Variants in RBM33 observed in about 807,000 individuals in gnomAD.
RBM33 encodes the protein RNA-binding protein 33.
A neutral mutation model predicts 132.6 loss-of-function variants in RBM33; 28 were observed. That is an observed-to-expected ratio of 0.21 (90% CI 0.16 to 0.29). The LOEUF is 0.29. RBM33 is among the 10% of genes least tolerant of loss of function. The pLI is 1.00. For missense variants in RBM33, 1,291 were observed against 1,518.5 expected (o/e 0.85, Z 2.49); for synonymous variants, 634 against 593.0 (o/e 1.07, Z -1.01).
intron 6 of RBM33, among the ~76,000 whole-genome samples, chr7:155,701,643 T>G (rs1354578053): frequency 6.6e-6 from 1 of 152,238 alleles, no homozygotes; most frequent in Non-Finnish European, 1.5e-5. Flanking sequence ...TGCTCCCAGC[T>G]TCTCTGATTG....
intron 15 of RBM33, among the ~76,000 whole-genome samples, chr7:155,765,938 A>G (rs1003553287): frequency 4.6e-5 from 7 of 152,198 alleles, no homozygotes; most frequent in Non-Finnish European, 8.8e-5. Flanking sequence ...TGGTTGCAGA[A>G]TCTGCCTGGG....
At chr7:155,698,449 T>A (rs1316421113) in intron 5 of RBM33, among the ~76,000 whole-genome samples, 1 of 152,142 alleles carries the variant, frequency 6.6e-6, no homozygotes, top group Admixed American at 6.5e-5. Context: ...GGGGGATGGA[T>A]TTTTTAAGCC....
chr7:155,744,126 T>G (rs1388157172), intron 13 of RBM33, among the ~76,000 whole-genome samples: 2 of 152,192 alleles, frequency 1.3e-5, no homozygotes, highest in African/African-American at 2.4e-5. Context: ...ATTCTTAAGG[T>G]TTATTTAGGG....
rs1017737028 is a variant in RBM33 at position 155,726,027 on chromosome 7, C to G, written c.1260+7584C>G. Among the ~76,000 whole-genome samples the G allele has an allele frequency of 2.6e-5, 4 of 152,158 alleles. No homozygotes were observed. In the South Asian group the frequency reaches 8.3e-4, roughly 32 times the overall value. ...TAGAGGGCTGTAATTTTAATTACGT[C>G]AGGGGTCACTAGTGACCTTTATTCT... On this transcript the variant is annotated intron_variant, in intron 9 of 17. Coordinates refer to ENST00000401878, the MANE Select transcript of RBM33 (RefSeq NM_053043.3).
chr7:155,705,331 A>G (rs756256259), intron 6 of RBM33, among the ~76,000 whole-genome samples: 1 of 152,236 alleles, frequency 6.6e-6, no homozygotes, highest in Non-Finnish European at 1.5e-5. Context: ...TAATCTTGAC[A>G]CTCAGAACCA....
intron 8 of RBM33, among the ~76,000 whole-genome samples, chr7:155,711,809 G>C (rs1299821531): frequency 2.0e-5 from 3 of 152,180 alleles, no homozygotes; most frequent in Admixed American, 6.5e-5. Context: ...ACTAACGATA[G>C]CCTTATTGGG....
At position 155,745,289 on chromosome 7, in the gene RBM33, A is replaced by G. The variant is rs1300056780; in HGVS notation, c.2666A>G (p.Lys889Arg). 3.7e-6 allele frequency: 6 copies of G among 1,613,008 alleles called. No individual in the cohort carries two copies. The highest frequency in any genetic ancestry group is 5.1e-6 in the Non-Finnish European group (6 of 1,179,424). Residue 889 changes from lysine (K) to arginine (R), a missense_variant, in exon 14 of 18, where the codon AAA becomes AGA. Coordinates refer to ENST00000401878, the MANE Select transcript of RBM33 (RefSeq NM_053043.3). The surrounding 1 kb of genome is among the most constrained non-coding windows in gnomAD (Gnocchi z 4.1). ...GTCAGTATTTCAAACGTTCAGCCCA[A>G]AACATCCAATTTTGTACCATCCAGT... is the stretch of plus-strand genomic sequence containing the variant. ...QDVSISNVQP[K>R]TSNFVPSSAN...
intron 2 of RBM33, among the ~76,000 whole-genome samples, 194 bp downstream of exon 2, chr7:155,665,447 G>A (rs1011737973): frequency 1.3e-5 from 2 of 152,340 alleles, no homozygotes; most frequent in Non-Finnish European, 2.9e-5. Flanking sequence ...CCAGGCCTGT[G>A]TTGTGTGGAG....
intron 5 of RBM33, among the ~76,000 whole-genome samples, chr7:155,691,742 C>A (rs1799648866): frequency 1.3e-5 from 2 of 152,066 alleles, no homozygotes; most frequent in African/African-American, 2.4e-5. Flanking sequence ...TACATTAAAA[C>A]AAAAGAGAGC....
At chr7:155,751,641 C>G (rs776019437) in intron 14 of RBM33, among the ~76,000 whole-genome samples, 2 of 152,150 alleles carry the variant, frequency 1.3e-5, no homozygotes, top group Admixed American at 6.5e-5. Context: ...CAGGAACACC[C>G]CAGAGGGGAT....
intron 9 of RBM33, among the ~76,000 whole-genome samples, chr7:155,728,470 T>A (rs1800857166): frequency 1.3e-5 from 2 of 152,198 alleles, no homozygotes; most frequent in African/African-American, 4.8e-5. Flanking sequence ...TCTATTTAAC[T>A]AAATTCCAAG....
At chr7:155,763,343 G>T (rs1033744847) in intron 14 of RBM33, among the ~76,000 whole-genome samples, 1 of 152,256 alleles carries the variant, frequency 6.6e-6, no homozygotes, top group Admixed American at 6.5e-5. Context: ...AAGACTTACA[G>T]TCGCAACCAG....
In RBM33 at chr7:155,680,752, G is replaced by T. The variant is rs1799315858; in HGVS notation, c.411G>T (p.Leu137Phe). 1 of 1,613,470 alleles carries T rather than the reference G, an allele frequency of 6.2e-7. No individual in the cohort carries two copies. The highest frequency in any genetic ancestry group is 1.3e-5 in the African/African-American group (1 of 74,912). Reference sequence around the variant, plus strand: ...ATCACAAATCTGATGGATCAGAATTGTATACTCAAGAGTACCCAGAAGAAG... The same window carrying T: ...ATCACAAATCTGATGGATCAGAATTTTATACTCAAGAGTACCCAGAAGAAG... The part of the protein sequence containing the change: ...LVYHKSDGSE[L>F]YTQEYPEEGQ... The change falls in exon 5 of 18, where the codon TTG becomes TTT. Residue 137 changes from leucine to phenylalanine, a missense_variant. Physicochemically the swap from Leu to Phe is conservative, Grantham distance 22 (BLOSUM62 0). Transcript: ENST00000401878.
chr7:155,715,512 C>T (rs1800435388), intron 8 of RBM33, among the ~76,000 whole-genome samples: 1 of 152,170 alleles, frequency 6.6e-6, no homozygotes, highest in Admixed American at 6.5e-5. Flanking sequence ...AGAATGCAGG[C>T]CTTGCACCCC....
intron 2 of RBM33, among the ~76,000 whole-genome samples, chr7:155,667,780 A>G (rs1383734401): frequency 5.9e-5 from 9 of 152,172 alleles, no homozygotes; most frequent in Non-Finnish European, 1.0e-4. Context: ...GCATGTGTCT[A>G]TGAAAGTTGT....
chr7:155,769,565 C>A (rs569411913), intron 16 of RBM33, among the ~76,000 whole-genome samples: 1 of 151,924 alleles, frequency 6.6e-6, no homozygotes, highest in Non-Finnish European at 1.5e-5. Context: ...CTTTGCAGAG[C>A]GGATCTCAGC....
chr7:155,686,894 GTTGGTACCAAGTC>G (rs1799495239), intron 5 of RBM33, among the ~76,000 whole-genome samples: 1 of 152,186 alleles, frequency 6.6e-6, no homozygotes, highest in South Asian at 2.1e-4. Context: ...GGACATTTGG[GTTGGTACCAAGTC>G]TTTGCTATTG....
At chr7:155,733,862 CT>C (rs1385559431) in intron 9 of RBM33, among the ~76,000 whole-genome samples, 5 of 152,210 alleles carry the variant, frequency 3.3e-5, no homozygotes, top group African/African-American at 9.6e-5. Flanking sequence ...CATGCTGAGA[CT>C]TTGTTCTTAA....
chr7:155,670,890 G>T (rs557215554), intron 2 of RBM33, among the ~76,000 whole-genome samples: 1 of 152,026 alleles, frequency 6.6e-6, no homozygotes. Context: ...AAATGTTTTC[G>T]TTGAGAAAAA....
Sources: gnomAD v4.1 joint callset for allele counts (sites outside exome capture counted in the v4.1 genomes callset) on GRCh38, gnomAD v4.1.1 for gene constraint, Gnocchi (gnomAD v3.1) non-coding constraint, MANE v1.5 for transcripts, NCBI Gene and HGNC (gene_info 2026-07-23, HGNC 2026-07-21) for gene names.